Variants in IFT52 observed in about 807,000 individuals in gnomAD.
The protein encoded by IFT52 is intraflagellar transport 52, also known as intraflagellar transport protein 52 homolog.
In IFT52, 44 loss-of-function variants were observed where a neutral mutation model predicts 54.4. The ratio of observed to expected loss-of-function variants is 0.81; its 90% confidence interval spans 0.63 to 1.04. The LOEUF is 1.04. Ranked by LOEUF, IFT52 falls within the 50% of genes least tolerant of loss-of-function variation. The probability of loss-of-function intolerance (pLI) is 0.00; values close to 1 mark genes in which losing one functional copy is unlikely to be tolerated. For missense variants in IFT52, 452 were observed against 523.6 expected, an observed-to-expected ratio of 0.86 and a Z score of 1.33; for synonymous variants, 181 against 185.3, an observed-to-expected ratio of 0.98 and a Z score of 0.19.
chr20:43,599,318 A>C (rs1158703423), intron 3 of IFT52, among the ~76,000 whole-genome samples: 4 of 152,128 alleles, frequency 2.6e-5, no homozygotes, highest in African/African-American at 9.7e-5. Flanking sequence ...GAGGGTCAGA[A>C]CCTGGTGCCT....
chr20:43,607,568 G>A (rs1031152241), intron 6 of IFT52, among the ~76,000 whole-genome samples: 8 of 148,138 alleles, frequency 5.4e-5, no homozygotes, highest in African/African-American at 1.5e-4. Flanking sequence ...CATCTCAGAC[G>A]ATGGGCGGCC....
intron 3 of IFT52, among the ~76,000 whole-genome samples, chr20:43,601,763 G>A (rs1982461588): frequency 6.6e-6 from 1 of 152,206 alleles, no homozygotes; most frequent in Non-Finnish European, 1.5e-5. Flanking sequence ...TATATTTAGG[G>A]CTGTCTGGGA....
chr20:43,646,063 T>C (rs571427674), intron 13 of IFT52, among the ~76,000 whole-genome samples: 1 of 151,402 alleles, frequency 6.6e-6, no homozygotes, highest in Non-Finnish European at 1.5e-5. Flanking sequence ...AAAAAAAAAT[T>C]AGCCGCGCGT....
chr20:43,611,385 G>T (rs1983432796), intron 6 of IFT52, among the ~76,000 whole-genome samples: 1 of 145,080 alleles, frequency 6.9e-6, no homozygotes, highest in African/African-American at 2.5e-5. Flanking sequence ...GGTTTGGAAA[G>T]TTCTGTTTTG....
At chr20:43,595,948 ATAT>A (rs1981923988) in intron 2 of IFT52, among the ~76,000 whole-genome samples, 3 of 152,232 alleles carry the variant, frequency 2.0e-5, no homozygotes, top group Non-Finnish European at 2.9e-5. Context: ...TTAAAGCAGC[ATAT>A]TATTAAGTTG....
chr20:43,639,659 A>C (rs1230392153), intron 12 of IFT52, among the ~76,000 whole-genome samples: 1 of 151,726 alleles, frequency 6.6e-6, no homozygotes, highest in Non-Finnish European at 1.5e-5. Context: ...AACAAGAGCG[A>C]AACTCCATCT....
At chr20:43,594,524 A>G (rs1270080433) in intron 1 of IFT52, among the ~76,000 whole-genome samples, 169 bp from the exon 2 acceptor site, 1 of 152,132 alleles carries the variant, frequency 6.6e-6, no homozygotes, top group African/African-American at 2.4e-5. Flanking sequence ...TTTCTGTGCT[A>G]TGCTTTTGCA....
At chr20:43,611,441 CTTTTTTTTTTTTT>C (rs11469500) in intron 6 of IFT52, among the ~76,000 whole-genome samples, 1 of 55,078 alleles carries the variant, frequency 1.8e-5, no homozygotes, top group Non-Finnish European at 3.1e-5. Context: ...AAATGTCAGT[CTTTTTTTTTTTTT>C]TTTTTTTTTT....
chr20:43,642,959 G>A (rs1986024102), intron 13 of IFT52, among the ~76,000 whole-genome samples: 1 of 152,066 alleles, frequency 6.6e-6, no homozygotes, highest in Non-Finnish European at 1.5e-5. Context: ...CCGAGGTCAG[G>A]AGTTCGAGAC....
intron 3 of IFT52, among the ~76,000 whole-genome samples, chr20:43,598,722 A>G (rs1271639700): frequency 6.6e-6 from 1 of 152,166 alleles, no homozygotes; most frequent in East Asian, 1.9e-4. Flanking sequence ...AAAACTGCTG[A>G]ACTATATACT....
Position 43,645,807 on chromosome 20 carries a change from G to A in IFT52, c.1267-1129G>A, listed in dbSNP as rs1289600380. On this transcript the variant is annotated intron_variant, in intron 13 of 13. Transcript: ENST00000373030. ...TGAGCCTGGGGAGGTTGAGGTTGCAGTGAGCAGTGATCATGCCACTGCACT... is the reference window on the plus strand; with the variant it reads ...TGAGCCTGGGGAGGTTGAGGTTGCAATGAGCAGTGATCATGCCACTGCACT... Among the ~76,000 whole-genome samples, 2 of 50,696 alleles carry A rather than the reference G, an allele frequency of 3.9e-5. 1 individual carries two copies. The highest frequency in any genetic ancestry group is 4.7e-4 in the Admixed American group (2 of 4,230). The allele number at this position is 50,696 out of a possible 152,430, so 33.3% of individuals were successfully genotyped here.
At chr20:43,620,999 A>C in intron 9 of IFT52, 74 bp downstream of exon 9, 1 of 1,033,472 alleles carries the variant, frequency 9.7e-7, no homozygotes, top group Non-Finnish European at 1.5e-6. Context: ...TCACAGCTCA[A>C]AAGGAATACA....
At position 43,647,101 on chromosome 20, in the gene IFT52, G is replaced by C. The variant is rs912239632; in HGVS notation, c.*118G>C. 6 of 851,518 alleles carry C rather than the reference G, an allele frequency of 7.0e-6. No individual in the cohort carries two copies. The highest frequency in any genetic ancestry group is 1.8e-5 in the Admixed American group (1 of 56,382). The allele number at this position is 851,518 out of a possible 1,614,324, so 52.7% of individuals were successfully genotyped here. Reference sequence around the variant, plus strand: ...TACACTCTTTCCTCCATGAGCTCTGGAAGGTATATGCATCTTCTGTAATAC... The same window carrying C: ...TACACTCTTTCCTCCATGAGCTCTGCAAGGTATATGCATCTTCTGTAATAC... On this transcript the variant is annotated 3_prime_UTR_variant, in exon 14 of 14. Coordinates refer to ENST00000373030, the MANE Select transcript of IFT52 (RefSeq NM_016004.5).
intron 3 of IFT52, among the ~76,000 whole-genome samples, chr20:43,599,019 T>C (rs1034615905): frequency 1.3e-5 from 2 of 152,122 alleles, no homozygotes; most frequent in Non-Finnish European, 1.5e-5. Flanking sequence ...GATTGCAAAG[T>C]GACCTTCCCC....
intron 10 of IFT52, among the ~76,000 whole-genome samples, chr20:43,624,940 T>C (rs1984606904): frequency 6.6e-6 from 1 of 152,036 alleles, no homozygotes; most frequent in African/African-American, 2.4e-5. Flanking sequence ...ATTTGGGGGA[T>C]GTTTGTGAAA....
In IFT52 at chr20:43,603,902, A is replaced by G. The variant is rs1982651615; in HGVS notation, c.337+13A>G. On this transcript the variant is annotated intron_variant, in intron 4 of 13. Coordinates refer to ENST00000373030, the MANE Select transcript of IFT52 (RefSeq NM_016004.5). ...ATGGTTAATAATGGTAATTAGTATT[A>G]TTATTTTCAGTAGAGGCAGTACTTT... 2 of 1,410,706 alleles carry G rather than the reference A, an allele frequency of 1.4e-6. No individual in the cohort carries two copies. Among genetic ancestry groups the G allele is most frequent in the South Asian group, 2.4e-5 (2 of 83,568 alleles). The allele number at this position is 1,410,706 out of a possible 1,614,324, so 87.4% of individuals were successfully genotyped here.
At chr20:43,608,134 G>A (rs569956758) in intron 6 of IFT52, among the ~76,000 whole-genome samples, 35 of 152,282 alleles carry the variant, frequency 2.3e-4, no homozygotes, top group Admixed American at 1.2e-3. Flanking sequence ...GAGGGAGACC[G>A]TGGAAAGAGA....
intron 10 of IFT52, among the ~76,000 whole-genome samples, chr20:43,630,046 C>T (rs1410346843): frequency 1.3e-5 from 2 of 152,146 alleles, no homozygotes; most frequent in Non-Finnish European, 2.9e-5. Context: ...AGGACCAAAG[C>T]CTTCAGAGCT....
chr20:43,593,707 C>T (rs1601014970), intron 1 of IFT52, among the ~76,000 whole-genome samples: 1 of 152,050 alleles, frequency 6.6e-6, no homozygotes, highest in African/African-American at 2.4e-5. Flanking sequence ...ATAGCTGGGA[C>T]TACAGATATG....
Sources: allele counts gnomAD v4.1 joint callset (sites outside exome capture counted in the v4.1 genomes callset), GRCh38; gene constraint gnomAD v4.1.1; transcripts MANE v1.5; gene names NCBI Gene and HGNC (gene_info 2026-07-23, HGNC 2026-07-21).